AGMO: variants seen among roughly 807,000 people sequenced by gnomAD.
AGMO encodes alkylglycerol monooxygenase, also known as glyceryl-ether monooxygenase.
Under a neutral mutation model 60.2 loss-of-function variants are expected in AGMO, and 75 were observed. That is an observed-to-expected ratio of 1.25 (90% confidence interval 1.03 to 1.51). The LOEUF (loss-of-function observed/expected upper bound fraction) is 1.51, where lower values mean the gene tolerates loss of function less well. AGMO is among the 40% of genes most tolerant of loss of function. The probability of loss-of-function intolerance (pLI) is 0.00; values close to 1 mark genes in which losing one functional copy is unlikely to be tolerated. For synonymous variants in AGMO, 261 were observed against 177.1 expected (o/e 1.47, Z -3.76); for missense variants, 763 against 525.5 (o/e 1.45, Z -4.42).
At chr7:15,178,481 G>A in the AGMO span, among the ~76,000 whole-genome samples, 2 of 152,094 alleles carry the variant, frequency 1.3e-5, no homozygotes, top group African/African-American at 4.8e-5. Context: ...GATGTGTCTG[G>A]TTGTAGACCT....
intron 4 of AGMO, among the ~76,000 whole-genome samples, chr7:15,422,543 A>T (rs1363760016): frequency 1.3e-5 from 2 of 152,158 alleles, no homozygotes; most frequent in Non-Finnish European, 2.9e-5. Flanking sequence ...AGACCAGAGA[A>T]GGGAAACTGA....
At chr7:15,130,494 T>C in the AGMO span, among the ~76,000 whole-genome samples, 1 of 152,072 alleles carries the variant, frequency 6.6e-6, no homozygotes, top group African/African-American at 2.4e-5. Context: ...GCCCTGGAAA[T>C]TGTTTAAAAC....
chr7:15,165,847 A>T, the AGMO span, among the ~76,000 whole-genome samples: 1 of 152,154 alleles, frequency 6.6e-6, no homozygotes, highest in African/African-American at 2.4e-5. Flanking sequence ...AATAATGGGA[A>T]CCTAAAGCAT....
At chr7:15,510,878 TATAAC>T (rs1041034627) in intron 3 of AGMO, among the ~76,000 whole-genome samples, 2 of 147,360 alleles carry the variant, frequency 1.4e-5, no homozygotes, top group Non-Finnish European at 1.5e-5. Context: ...ATGTTATAAA[TATAAC>T]ATATAATATA....
intron 3 of AGMO, among the ~76,000 whole-genome samples, chr7:15,488,367 C>G (rs1782975759): frequency 6.6e-6 from 1 of 152,132 alleles, no homozygotes; most frequent in African/African-American, 2.4e-5. Flanking sequence ...AAGAAGAAAA[C>G]TGTTTTTGCT....
chr7:15,541,590 T>C (rs1392918987), intron 3 of AGMO, among the ~76,000 whole-genome samples: 1 of 152,226 alleles, frequency 6.6e-6, no homozygotes, highest in Non-Finnish European at 1.5e-5. Flanking sequence ...TTCTTTTTCA[T>C]TCCAGAGGAA....
chr7:15,306,524 C>T, intron 12 of AGMO: 1 of 468,946 alleles, frequency 2.1e-6, no homozygotes, highest in South Asian at 1.6e-5. Context: ...CTCCAAAGTT[C>T]TCCTTGGCCT....
chr7:15,274,063 T>A (rs1205396027), intron 12 of AGMO, among the ~76,000 whole-genome samples: 2 of 152,206 alleles, frequency 1.3e-5, no homozygotes, highest in Non-Finnish European at 2.9e-5. Flanking sequence ...TCATGTCATC[T>A]GCAAACAGGG....
chr7:15,479,816 A>G (rs1219770081), intron 3 of AGMO, among the ~76,000 whole-genome samples: 3 of 152,102 alleles, frequency 2.0e-5, no homozygotes, highest in Non-Finnish European at 4.4e-5. Context: ...CAGGCATATA[A>G]ATAGATAGTT....
chr7:15,185,235 T>C, the AGMO span, among the ~76,000 whole-genome samples: 1 of 152,166 alleles, frequency 6.6e-6, no homozygotes, highest in East Asian at 1.9e-4. Context: ...TGATTTTAAC[T>C]AATTTGATCA....
At chr7:15,459,995 A>G (rs1248388578) in intron 3 of AGMO, among the ~76,000 whole-genome samples, 1 of 152,146 alleles carries the variant, frequency 6.6e-6, no homozygotes, top group Non-Finnish European at 1.5e-5. Flanking sequence ...TTTATAAACC[A>G]GTACCTGTTG....
At chr7:15,482,783 T>C (rs1268603758) in intron 3 of AGMO, among the ~76,000 whole-genome samples, 2 of 152,184 alleles carry the variant, frequency 1.3e-5, no homozygotes, top group Non-Finnish European at 2.9e-5. Context: ...TAGTATGGCA[T>C]GGGCAATCTG....
At chr7:15,287,537 TAAGA>T (rs1215083841) in intron 12 of AGMO, among the ~76,000 whole-genome samples, 1 of 152,228 alleles carries the variant, frequency 6.6e-6, no homozygotes, top group Non-Finnish European at 1.5e-5. Context: ...CCTATCTTGC[TAAGA>T]AAGTCATGAT....
At chr7:15,439,205 C>A (rs972223438) in intron 3 of AGMO, among the ~76,000 whole-genome samples, 1 of 152,028 alleles carries the variant, frequency 6.6e-6, no homozygotes, top group Non-Finnish European at 1.5e-5. Flanking sequence ...AAGACCATCC[C>A]GGCCAACATG....
intron 5 of AGMO, among the ~76,000 whole-genome samples, chr7:15,417,231 C>A (rs1207976457): frequency 6.6e-6 from 1 of 152,072 alleles, no homozygotes; most frequent in African/African-American, 2.4e-5. Context: ...CTAAGCATTG[C>A]TTTTGAAGTG....
chr7:15,318,333 C>T lies in AGMO; in HGVS notation c.1263+47181G>A, dbSNP rs1781003210. Among the ~76,000 whole-genome samples the T allele has an allele frequency of 2.0e-5, 3 of 151,986 alleles. No individual in the cohort carries two copies. The South Asian group carries it at 6.2e-4, about 32-fold the overall frequency. On this transcript the variant is annotated intron_variant, in intron 12 of 12. Coordinates refer to ENST00000342526, the MANE Select transcript of AGMO (RefSeq NM_001004320.2). ...TGTTTAAAAGATTATGAAGTCTTGGCATTATTCTTTATATGAGTTCTATTC... is the reference window on the plus strand; with the variant it reads ...TGTTTAAAAGATTATGAAGTCTTGGTATTATTCTTTATATGAGTTCTATTC...
chr7:15,300,953 AATCT>A (rs1416652773), intron 12 of AGMO, among the ~76,000 whole-genome samples: 22 of 152,308 alleles, frequency 1.4e-4, no homozygotes, highest in Admixed American at 8.5e-4. Flanking sequence ...GAATCAGCTG[AATCT>A]ATCTGTCTCT....
intron 5 of AGMO, among the ~76,000 whole-genome samples, chr7:15,400,538 A>C (rs927107941): frequency 6.6e-6 from 1 of 152,120 alleles, no homozygotes; most frequent in Non-Finnish European, 1.5e-5. Context: ...TCTGTGTTCT[A>C]ATCTGGGAGT....
In AGMO at chr7:15,406,547, CTTTG is replaced by C. The variant is rs1392004969; in HGVS notation, c.609+12007_609+12010del. On this transcript the variant is annotated intron_variant, in intron 5 of 12. Coordinates refer to ENST00000342526, the MANE Select transcript of AGMO (RefSeq NM_001004320.2). ...TCAGGTCAGAAGACTCAAAAGGCCCCTTTGTTTGGAATACACACACACACACACA... is the reference window on the plus strand; with the variant it reads ...TCAGGTCAGAAGACTCAAAAGGCCCCTTTGGAATACACACACACACACACA... Among the ~76,000 whole-genome samples, 8 of 92,226 alleles carry C rather than the reference CTTTG, an allele frequency of 8.7e-5. No homozygotes were observed. In the South Asian group the frequency reaches 1.1e-3, roughly 13 times the overall value. The allele number at this position is 92,226 out of a possible 152,430, so 60.5% of individuals were successfully genotyped here. A position where few individuals can be genotyped will look rare whatever the true frequency, so the allele number is the denominator to read the frequency against.
Sources: gnomAD v4.1 joint callset for allele counts (sites outside exome capture counted in the v4.1 genomes callset) on GRCh38, gnomAD v4.1.1 for gene constraint, MANE v1.5 for transcripts, NCBI Gene and HGNC (gene_info 2026-07-23, HGNC 2026-07-21) for gene names.